ARID4B: variants seen among roughly 807,000 people sequenced by gnomAD.
ARID4B encodes AT-rich interaction domain 4B.
ARID4B carries 26 observed loss-of-function variants against 147.5 expected under a neutral mutation model. That is an observed-to-expected ratio of 0.18 (90% confidence interval 0.13 to 0.24). The LOEUF is 0.24. Ranked by LOEUF, ARID4B falls within the 10% of genes least tolerant of loss-of-function variation. The pLI is 1.00. For synonymous variants in ARID4B, 512 were observed against 507.9 expected (o/e 1.01, Z -0.11); for missense variants, 1,179 against 1,511.5 (o/e 0.78, Z 3.65).
intron 5 of ARID4B, among the ~76,000 whole-genome samples, chr1:235,254,953 A>C (rs1669859730): frequency 6.6e-6 from 1 of 152,000 alleles, no homozygotes; most frequent in African/African-American, 2.4e-5. Context: ...TTGAGAAAAC[A>C]GACAGTGTCT....
chr1:235,289,609 A>G (rs1448252003), intron 2 of ARID4B, among the ~76,000 whole-genome samples: 1 of 151,730 alleles, frequency 6.6e-6, no homozygotes, highest in Non-Finnish European at 1.5e-5. Flanking sequence ...CTGTAGCCCC[A>G]GGTACTCAGG....
Position 235,319,243 on chromosome 1 carries a change from G to A in ARID4B, c.6+7671C>T, listed in dbSNP as rs115574275. On this transcript the variant is annotated intron_variant, in intron 2 of 23. Transcript: ENST00000264183. ...TTTAAAAAGGTGAATTTGGTGAGGC[G>A]CGGTGGCTCATGCCTGTAATCCCAA... is the stretch of plus-strand genomic sequence containing the variant. Among the ~76,000 whole-genome samples the A allele has an allele frequency of 4.3e-3, 662 of 152,332 alleles. 6 individuals are homozygous for A. Among genetic ancestry groups the A allele is most frequent in the East Asian group, 0.018 (91 of 5,188 alleles).
chr1:235,279,848 G>A (rs1211804602), intron 2 of ARID4B, among the ~76,000 whole-genome samples: 1 of 152,164 alleles, frequency 6.6e-6, no homozygotes, highest in East Asian at 1.9e-4. Context: ...GAGTTTTAAG[G>A]AGCTTCCCGG....
chr1:235,296,709 C>T (rs1672740295), intron 2 of ARID4B, among the ~76,000 whole-genome samples: 1 of 150,306 alleles, frequency 6.7e-6, no homozygotes, highest in South Asian at 2.1e-4. Flanking sequence ...ATCCGCCCAC[C>T]TCAGCCTCCC....
rs151132623 is a variant in ARID4B, at chr1:235,209,308, T to C, written c.1841+4461A>G. 4.5e-3 allele frequency among the ~76,000 whole-genome samples: 681 copies of C among 152,154 alleles called. 5 individuals carry two copies. The highest frequency in any genetic ancestry group is 0.016 in the African/African-American group (652 of 41,522). ...CAACATGGTGAAACCCCATCTCTAC[T>C]AAAAATACAAAAATTTGCTGGGCAT... On this transcript the variant is annotated intron_variant, in intron 17 of 23. Transcript: ENST00000264183.
intron 17 of ARID4B, among the ~76,000 whole-genome samples, chr1:235,208,954 C>G (rs1373574070): frequency 1.3e-5 from 2 of 152,068 alleles, no homozygotes; most frequent in African/African-American, 4.8e-5. Context: ...TAGTGCTAGA[C>G]AATAGTTTTA....
chr1:235,327,991 TC>T lies in ARID4B; in HGVS notation c.-273del, dbSNP rs1252275094. 1 of 150,888 alleles carries T rather than the reference TC, an allele frequency of 6.6e-6. No individual in the cohort carries two copies. Among genetic ancestry groups the T allele is most frequent in the Non-Finnish European group, 1.5e-5 (1 of 67,794 alleles). The allele number at this position is 150,888 out of a possible 1,614,324, so 9.3% of individuals were successfully genotyped here. The stretch of plus-strand genomic sequence containing the variant: ...TTGGGGGGAGGGGGACGACGAAAAA[TC>T]CCCCCCGGACTGGAGGTCCGGGCCC... On this transcript the variant is annotated 5_prime_UTR_variant, in exon 1 of 24. Transcript: ENST00000264183.
chr1:235,201,559 A>G (rs369967588), intron 17 of ARID4B, among the ~76,000 whole-genome samples: 2 of 152,274 alleles, frequency 1.3e-5, no homozygotes, highest in South Asian at 2.1e-4. Context: ...CCTGGGCTCT[A>G]GTGATTCGCC....
chr1:235,322,697 T>C (rs1190294428), intron 2 of ARID4B, among the ~76,000 whole-genome samples: 2 of 152,220 alleles, frequency 1.3e-5, no homozygotes, highest in Non-Finnish European at 2.9e-5. Flanking sequence ...CACTGTGGGC[T>C]CCCTGAAAGC....
chr1:235,213,904 T>C lies in ARID4B; in HGVS notation c.1706A>G (p.Tyr569Cys), dbSNP rs768759364. The change falls in exon 17 of 24, where the codon TAT becomes TGT. Residue 569 changes from tyrosine (Y) to cysteine (C), a missense_variant. Coordinates refer to ENST00000264183, the MANE Select transcript of ARID4B (RefSeq NM_016374.6). ...CACTTGGACTTTCATGCCTGGTGGA[T>C]AGCACTCAAACTCCTCTTCCTCATT... Reference protein sequence around the residue: ...DNNEEEEFECYPPGMKVQVRY... With the variant: ...DNNEEEEFECCPPGMKVQVRY... The C allele has an allele frequency of 4.3e-6, 7 of 1,614,024 alleles. No individual in the cohort carries two copies. The highest frequency in any genetic ancestry group is 1.7e-5 in the Admixed American group (1 of 59,992).
At chr1:235,173,740 T>C (rs1186427651) in intron 22 of ARID4B, among the ~76,000 whole-genome samples, 2 of 49,174 alleles carry the variant, frequency 4.1e-5, no homozygotes, top group Non-Finnish European at 6.3e-5. Flanking sequence ...CTCGTCTCTA[T>C]TTAAAAAAAA....
chr1:235,242,894 TAC>T (rs1669079819), intron 7 of ARID4B, among the ~76,000 whole-genome samples: 1 of 152,176 alleles, frequency 6.6e-6, no homozygotes. Flanking sequence ...TATTCAAATT[TAC>T]AGTCCCTGCC....
chr1:235,223,802 C>G (rs917017321), intron 12 of ARID4B, among the ~76,000 whole-genome samples: 6 of 150,922 alleles, frequency 4.0e-5, no homozygotes, highest in African/African-American at 1.5e-4. Flanking sequence ...CCTCATATGG[C>G]CATTTCTACA....
At chr1:235,285,203 G>A (rs1429285337) in intron 2 of ARID4B, among the ~76,000 whole-genome samples, 3 of 152,104 alleles carry the variant, frequency 2.0e-5, no homozygotes, top group African/African-American at 7.2e-5. Context: ...ATCACGCCCA[G>A]CCCAAAAATT....
At chr1:235,324,653 T>C (rs1344313119) in intron 2 of ARID4B, among the ~76,000 whole-genome samples, 1 of 152,198 alleles carries the variant, frequency 6.6e-6, no homozygotes, top group African/African-American at 2.4e-5. Context: ...ATACAGAAAT[T>C]ACACCAGGCA....
intron 19 of ARID4B, among the ~76,000 whole-genome samples, chr1:235,189,272 C>T (rs1466880711): frequency 2.6e-5 from 4 of 151,416 alleles, no homozygotes; most frequent in South Asian, 2.1e-4. Context: ...CGGTGGCAGG[C>T]GCCTGTAATA....
chr1:235,227,239 G>A (rs1246885328), intron 11 of ARID4B, among the ~76,000 whole-genome samples: 1 of 152,082 alleles, frequency 6.6e-6, no homozygotes, highest in Non-Finnish European at 1.5e-5. Context: ...GGGAAATGAT[G>A]AGAAAAAATT....
At chr1:235,309,734 G>C (rs961957346) in intron 2 of ARID4B, among the ~76,000 whole-genome samples, 5 of 152,230 alleles carry the variant, frequency 3.3e-5, no homozygotes, top group East Asian at 1.9e-4. Flanking sequence ...AATAGAAAGG[G>C]GGGAAAGGTG....
chr1:235,273,264 G>A (rs1297917002), intron 2 of ARID4B, among the ~76,000 whole-genome samples: 3 of 152,066 alleles, frequency 2.0e-5, no homozygotes, highest in Non-Finnish European at 4.4e-5. Context: ...GGCTGGTCTC[G>A]AACTCCTGAC....
Sources: gnomAD v4.1 joint callset for allele counts (sites outside exome capture counted in the v4.1 genomes callset) on GRCh38, gnomAD v4.1.1 for gene constraint, MANE v1.5 for transcripts, NCBI Gene and HGNC (gene_info 2026-07-23, HGNC 2026-07-21) for gene names.